Variants in GOLM1 observed in about 807,000 individuals in gnomAD.
The protein encoded by GOLM1 is epididymis luminal protein 46.
In GOLM1, 31 loss-of-function variants were observed where a neutral mutation model predicts 50.5. The ratio of observed to expected loss-of-function variants is 0.61; its 90% CI spans 0.46 to 0.83. The LOEUF (loss-of-function observed/expected upper bound fraction) is 0.83. Ranked by LOEUF, GOLM1 falls within the 40% of genes least tolerant of loss-of-function variation. The pLI is 0.00. For missense variants in GOLM1, 491 were observed against 501.3 expected (o/e 0.98, Z 0.20); for synonymous variants, 178 against 192.8 (o/e 0.92, Z 0.64).
At chr9:86,033,732 A>G (rs957928855) in intron 8 of GOLM1, among the ~76,000 whole-genome samples, 3 of 152,202 alleles carry the variant, frequency 2.0e-5, no homozygotes, top group African/African-American at 7.2e-5. Context: ...GAAGGAACGG[A>G]TATCTACAGC....
chr9:86,081,010 C>G (rs10122863), intron 1 of GOLM1, among the ~76,000 whole-genome samples: 2,654 of 152,200 alleles, frequency 0.017, 86 homozygotes, highest in African/African-American at 0.06. Context: ...CTCAACCTCT[C>G]AAGTAGCTGG....
chr9:86,053,832 A>AACCAC lies in GOLM1; in HGVS notation c.310-1246_310-1242dup, dbSNP rs575932806. Among the ~76,000 whole-genome samples the AACCAC allele has an allele frequency of 2.8e-5, 4 of 141,570 alleles. No homozygotes were observed. The South Asian group carries it at 6.8e-4, about 24-fold the overall frequency. 92.9% of individuals were successfully genotyped at this position (141,570 alleles called of 152,430 possible). On this transcript the variant is annotated intron_variant, in intron 3 of 9. Transcript: ENST00000388712. ...ACACCACACATCACACACCAAACCA[A>AACCAC]ACCACACCACACCACACCACTCTAC...
chr9:86,090,884 G>A (rs1358281421), intron 1 of GOLM1, among the ~76,000 whole-genome samples: 4 of 151,942 alleles, frequency 2.6e-5, no homozygotes, highest in African/African-American at 9.7e-5. Flanking sequence ...GGGCCCTGGT[G>A]GTGTAGGCAC....
intron 4 of GOLM1, among the ~76,000 whole-genome samples, chr9:86,047,638 C>G (rs1246153343): frequency 6.6e-6 from 1 of 152,124 alleles, no homozygotes; most frequent in South Asian, 2.1e-4. Context: ...AGGACTTATC[C>G]AACTGTACCC....
intron 3 of GOLM1, 22 bp downstream of exon 3, chr9:86,077,390 G>C: frequency 6.3e-7 from 1 of 1,599,486 alleles, no homozygotes; most frequent in Non-Finnish European, 8.6e-7. Flanking sequence ...AAAGAACTGA[G>C]AGGAAACAAA....
chr9:86,039,897 G>A (rs1021186681), intron 6 of GOLM1, among the ~76,000 whole-genome samples: 1 of 151,806 alleles, frequency 6.6e-6, no homozygotes, highest in African/African-American at 2.4e-5. Context: ...GAACCTGGGA[G>A]GCAGAGGCTG....
intron 3 of GOLM1, among the ~76,000 whole-genome samples, chr9:86,066,485 A>G (rs1205950784): frequency 6.6e-6 from 1 of 152,194 alleles, no homozygotes; most frequent in Non-Finnish European, 1.5e-5. Flanking sequence ...CCACTCAGCA[A>G]TCTTTTTGTT....
intron 1 of GOLM1, among the ~76,000 whole-genome samples, chr9:86,097,622 G>A (rs970093719): frequency 6.6e-5 from 10 of 152,112 alleles, no homozygotes; most frequent in East Asian, 3.8e-4. Context: ...CCCACCAATA[G>A]TGCCCATCAA....
chr9:86,032,197 C>T (rs1833008035), intron 9 of GOLM1, among the ~76,000 whole-genome samples: 2 of 152,096 alleles, frequency 1.3e-5, no homozygotes. Context: ...GATGGATTTT[C>T]ACTCTTGTTG....
At chr9:86,054,924 A>G (rs1045147696) in intron 3 of GOLM1, among the ~76,000 whole-genome samples, 1 of 152,132 alleles carries the variant, frequency 6.6e-6, no homozygotes, top group Admixed American at 6.5e-5. Flanking sequence ...CAAATAATCC[A>G]TTACTTGACA....
intron 9 of GOLM1, among the ~76,000 whole-genome samples, chr9:86,032,269 G>A (rs1260154563): frequency 5.3e-5 from 8 of 152,084 alleles, no homozygotes; most frequent in Admixed American, 5.2e-4. Context: ...CCGGGTTCAA[G>A]CGATTCTCTT....
intron 9 of GOLM1, among the ~76,000 whole-genome samples, chr9:86,032,615 A>G (rs1833019838): frequency 6.6e-6 from 1 of 152,208 alleles, no homozygotes; most frequent in African/African-American, 2.4e-5. Context: ...CCACTTGGGC[A>G]ATGTTCATCA....
chr9:86,074,310 CA>C (rs774490501), intron 3 of GOLM1, among the ~76,000 whole-genome samples: 20 of 150,848 alleles, frequency 1.3e-4, no homozygotes, highest in Non-Finnish European at 2.7e-4. Flanking sequence ...TCCATGTAGC[CA>C]AAATAGAGCT....
At position 86,026,751 on chromosome 9, in the gene GOLM1, G is replaced by A; in HGVS notation, c.*1066C>T. 1 of 982,630 alleles carries A rather than the reference G, an allele frequency of 1.0e-6. No homozygotes were observed. The highest frequency in any genetic ancestry group is 1.2e-6 in the Non-Finnish European group (1 of 827,352). 60.9% of individuals were successfully genotyped at this position (982,630 alleles called of 1,614,324 possible). A position where few individuals can be genotyped will look rare whatever the true frequency, so the allele number is the denominator to read the frequency against. ...CATTGTTATTGTGAATTAGGATTAA[G>A]TAGTAATTTTCAAAATTCACATTAA... is the stretch of plus-strand genomic sequence containing the variant. On this transcript the variant is annotated 3_prime_UTR_variant, in exon 10 of 10. Transcript: ENST00000388712.
chr9:86,047,562 G>T (rs993204719), intron 4 of GOLM1, among the ~76,000 whole-genome samples: 6 of 152,166 alleles, frequency 3.9e-5, no homozygotes, highest in Admixed American at 2.0e-4. Context: ...GGGCATGGGT[G>T]GGGGGTCCTG....
chr9:86,085,913 C>A (rs753013148), intron 1 of GOLM1, among the ~76,000 whole-genome samples: 4 of 152,096 alleles, frequency 2.6e-5, no homozygotes. Flanking sequence ...TCTTTGCTAT[C>A]GTGAACAGTG....
chr9:86,071,078 T>TACACACACACACAC (rs58612344), intron 3 of GOLM1, among the ~76,000 whole-genome samples: 3,474 of 148,298 alleles, frequency 0.023, 114 homozygotes, highest in African/African-American at 0.06. Flanking sequence ...TATATACATG[T>TACACACACACACAC]ACACACACAC....
At chr9:86,028,634 G>A (rs1832863938) in intron 9 of GOLM1, among the ~76,000 whole-genome samples, 1 of 152,186 alleles carries the variant, frequency 6.6e-6, no homozygotes, top group African/African-American at 2.4e-5. Context: ...GCTGCCTGTG[G>A]ACAGCTAAGC....
rs533471792 is a variant in GOLM1 at position 86,049,344 on chromosome 9, G to A, written c.365-2772C>T. On this transcript the variant is annotated intron_variant, in intron 4 of 9. Transcript: ENST00000388712. ...TGTTCTTTTGGCTTAGGATTGTCTC[G>A]GCAATGTGGGCTCTTTTTTGGTTCC... Among the ~76,000 whole-genome samples, 268 of 152,250 alleles carry A rather than the reference G, an allele frequency of 1.8e-3. 2 individuals carry two copies. Among genetic ancestry groups the A allele is most frequent in the Non-Finnish European group, 3.0e-3 (204 of 68,030 alleles).
Sources: gnomAD v4.1 joint callset for allele counts (sites outside exome capture counted in the v4.1 genomes callset) on GRCh38, gnomAD v4.1.1 for gene constraint, MANE v1.5 for transcripts, NCBI Gene and HGNC (gene_info 2026-07-23, HGNC 2026-07-21) for gene names.